Variants in MTMR3 observed in about 807,000 individuals in gnomAD.
MTMR3 encodes phosphatidylinositol-3,5-bisphosphate 3-phosphatase MTMR3.
A neutral mutation model predicts 132.4 loss-of-function variants in MTMR3; 32 were observed. That is an observed-to-expected ratio of 0.24 (90% confidence interval 0.18 to 0.32). The LOEUF (loss-of-function observed/expected upper bound fraction) is 0.32, where lower values mean the gene tolerates loss of function less well. Ranked by LOEUF, MTMR3 falls within the 10% of genes least tolerant of loss-of-function variation. The pLI, the probability that MTMR3 is intolerant of heterozygous loss-of-function variation, is 1.00. For missense variants in MTMR3, 1,216 were observed against 1,489.6 expected, an observed-to-expected ratio of 0.82 and a Z score of 3.02; for synonymous variants, 556 against 550.3, an observed-to-expected ratio of 1.01 and a Z score of -0.14.
At chr22:30,006,934 T>G in intron 9 of MTMR3, 180 bp from the exon 10 acceptor site, 2 of 604,374 alleles carry the variant, frequency 3.3e-6, no homozygotes, top group African/African-American at 1.9e-5. Context: ...ACACACAGGT[T>G]TTGTTGTTTG....
chr22:29,896,711 A>T (rs767710933), intron 1 of MTMR3, among the ~76,000 whole-genome samples: 3 of 152,210 alleles, frequency 2.0e-5, no homozygotes, highest in Admixed American at 1.3e-4. Flanking sequence ...AGAAATGTGC[A>T]TTAAAATGAT....
At chr22:29,930,553 G>A (rs926010049) in intron 1 of MTMR3, among the ~76,000 whole-genome samples, 10 of 152,084 alleles carry the variant, frequency 6.6e-5, no homozygotes, top group Admixed American at 5.2e-4. Context: ...TTAGCTGAGC[G>A]TGGTGGCACA....
intron 17 of MTMR3, chr22:30,021,393 C>T (rs2067744571): frequency 6.1e-6 from 1 of 164,734 alleles, no homozygotes. Flanking sequence ...GGACTGGTTT[C>T]TAGCACTGTT....
intron 3 of MTMR3, among the ~76,000 whole-genome samples, chr22:29,973,074 G>A (rs1200534095): frequency 6.6e-6 from 1 of 152,142 alleles, no homozygotes; most frequent in Non-Finnish European, 1.5e-5. Context: ...ATTATATACT[G>A]TATAATAGCA....
chr22:29,983,573 T>A (rs550799708), intron 5 of MTMR3: 1 of 152,340 alleles, frequency 6.6e-6, no homozygotes, highest in African/African-American at 2.4e-5. Context: ...GGCTTGTAAA[T>A]TGTCAAAGGT....
intron 12 of MTMR3, chr22:30,009,753 G>T (rs2067364942): frequency 2.0e-5 from 3 of 152,216 alleles, no homozygotes; most frequent in African/African-American, 7.2e-5. Context: ...AAATTAGGAA[G>T]AATGCTCTGT....
intron 7 of MTMR3, chr22:29,996,977 T>C (rs1281229613): frequency 6.6e-6 from 1 of 152,280 alleles, no homozygotes; most frequent in African/African-American, 2.4e-5. Flanking sequence ...GCTCAAGCAA[T>C]CTGCCTGCAT....
chr22:29,887,479 T>C (rs914563181), intron 1 of MTMR3, among the ~76,000 whole-genome samples: 11 of 152,246 alleles, frequency 7.2e-5, no homozygotes, highest in African/African-American at 2.7e-4. Context: ...ACCTAGTCTG[T>C]ATTGTCAAGT....
At position 30,020,247 on chromosome 22, in the gene MTMR3, A is replaced by G. The variant is rs925032793; in HGVS notation, c.2588A>G (p.His863Arg). The stretch of plus-strand genomic sequence containing the variant: ...AAGTCAGTAAGTGGGCCCCAAGGTC[A>G]TCATAGATCTTGCCTTGTAAATAGT... ...KVKSVSGPQG[H>R]HRSCLVNSGK... Residue 863 changes from histidine (H) to arginine (R), a missense_variant, in exon 17 of 20, where the codon CAT (histidine) becomes CGT (arginine). His to Arg is a conservative substitution (Grantham distance 29). Coordinates refer to ENST00000401950, the MANE Select transcript of MTMR3 (RefSeq NM_021090.4). 2.5e-6 allele frequency: 4 copies of G among 1,614,116 alleles called. No individual in the cohort carries two copies. Among genetic ancestry groups the G allele is most frequent in the African/African-American group, 1.3e-5 (1 of 74,936 alleles).
intron 1 of MTMR3, among the ~76,000 whole-genome samples, chr22:29,902,396 G>A (rs1376917129): frequency 4.8e-4 from 72 of 150,742 alleles, no homozygotes; most frequent in Non-Finnish European, 5.9e-5. Context: ...TTATATAATT[G>A]GTTATGAAAG....
chr22:29,991,430 G>C, intron 6 of MTMR3, 74 bp from the exon 7 acceptor site: 1 of 1,464,956 alleles, frequency 6.8e-7, no homozygotes, highest in Non-Finnish European at 9.1e-7. Flanking sequence ...GGGCATTCTT[G>C]AAATAATGGC....
chr22:29,914,392 A>G (rs983693225), intron 1 of MTMR3, among the ~76,000 whole-genome samples: 3 of 152,126 alleles, frequency 2.0e-5, no homozygotes, highest in African/African-American at 7.2e-5. Context: ...TGCCATTTAT[A>G]TGTCTTTGGT....
rs772168312 is a variant in MTMR3 at position 30,007,015 on chromosome 22, C to T, written c.672-99C>T. Reference sequence around the variant, plus strand: ...GACTTGAAGCTGACCCAACACTTACCTAGAATTAGACTGTTCATTAAGGCA... The same window carrying T: ...GACTTGAAGCTGACCCAACACTTACTTAGAATTAGACTGTTCATTAAGGCA... On this transcript the variant is annotated intron_variant, in intron 9 of 19. Transcript: ENST00000401950. 5.5e-6 allele frequency: 7 copies of T among 1,267,024 alleles called. No homozygotes were observed. In the Admixed American group the frequency reaches 1.5e-4, roughly 27 times the overall value. The allele number at this position is 1,267,024 out of a possible 1,614,324, so 78.5% of individuals were successfully genotyped here.
In MTMR3 at chr22:30,009,007, A is replaced by ACT. The variant is rs1223934950; in HGVS notation, c.1010-5_1010-4dup. 3.2e-6 allele frequency: 5 copies of ACT among 1,557,236 alleles called. No individual in the cohort carries two copies. In the South Asian group the frequency reaches 5.6e-5, roughly 17 times the overall value. ...ACGTATTTGTGTTCTCTTTATTGTTACTCTCTCCAGAGTATTACCCAAACT... is the reference window on the plus strand; with the variant it reads ...ACGTATTTGTGTTCTCTTTATTGTTACTCTCTCTCCAGAGTATTACCCAAACT... On this transcript the variant is annotated splice_polypyrimidine_tract_variant and intron_variant, in intron 11 of 19. Coordinates refer to ENST00000401950, the MANE Select transcript of MTMR3 (RefSeq NM_021090.4).
At chr22:29,918,433 G>A (rs901398732) in intron 1 of MTMR3, among the ~76,000 whole-genome samples, 6 of 152,182 alleles carry the variant, frequency 3.9e-5, no homozygotes, top group African/African-American at 1.4e-4. Flanking sequence ...GTAGCTCTCT[G>A]AAGCATTCCT....
rs73883357 is a variant in MTMR3 at position 30,012,301 on chromosome 22, A to G, written c.1122-67A>G. On this transcript the variant is annotated intron_variant, in intron 12 of 19. Coordinates refer to ENST00000401950, the MANE Select transcript of MTMR3 (RefSeq NM_021090.4). ...TTGGAAATTGCTTTTTCATTTGACA[A>G]TCATTGAGCATGATGCAGTAAATCA... The G allele has an allele frequency of 1.9e-3, 2,881 of 1,508,844 alleles. 65 individuals are homozygous for G. In the African/African-American group the frequency reaches 0.038, roughly 20 times the overall value. 93.5% of individuals were successfully genotyped at this position (1,508,844 alleles called of 1,614,324 possible).
intron 19 of MTMR3, 109 bp downstream of exon 19, chr22:30,022,806 A>G (rs1601442513): frequency 1.0e-6 from 1 of 977,708 alleles, no homozygotes; most frequent in East Asian, 2.7e-5. Context: ...TGTCTGAGGC[A>G]GAGCCATGGT....
chr22:29,943,448 C>T (rs1479561703), intron 1 of MTMR3, among the ~76,000 whole-genome samples: 1 of 152,092 alleles, frequency 6.6e-6, no homozygotes, highest in Non-Finnish European at 1.5e-5. Flanking sequence ...TCTCGGCCTC[C>T]CAAAGTGCTG....
chr22:29,966,277 A>G (rs928544550), intron 2 of MTMR3, among the ~76,000 whole-genome samples: 1 of 152,176 alleles, frequency 6.6e-6, no homozygotes, highest in Non-Finnish European at 1.5e-5. Flanking sequence ...AAAATTAATA[A>G]CTCCTTAATA....
Sources: allele counts gnomAD v4.1 joint callset (sites outside exome capture counted in the v4.1 genomes callset), GRCh38; gene constraint gnomAD v4.1.1; transcripts MANE v1.5; gene names NCBI Gene and HGNC (gene_info 2026-07-23, HGNC 2026-07-21).